Variants in USP32 observed in about 807,000 individuals in gnomAD.
USP32 encodes the protein ubiquitin carboxyl-terminal hydrolase 32.
USP32 carries 59 observed loss-of-function variants against 204.8 expected under a neutral mutation model. That is an observed-to-expected ratio of 0.29 (90% CI 0.23 to 0.36). The LOEUF is 0.36. Ranked by LOEUF, USP32 falls within the 10% of genes least tolerant of loss-of-function variation. The pLI is 1.00. For synonymous variants in USP32, 517 were observed against 678.4 expected (o/e 0.76, Z 3.70); for missense variants, 1,160 against 1,946.4 (o/e 0.60, Z 7.60).
At chr17:60,285,495 T>C (rs2087088145) in intron 5 of USP32, among the ~76,000 whole-genome samples, 2 of 152,186 alleles carry the variant, frequency 1.3e-5, no homozygotes, top group Non-Finnish European at 2.9e-5. Context: ...CAAATTCCTC[T>C]ATTCAGTCAA....
At chr17:60,191,449 G>C (rs2084379367) in intron 28 of USP32, among the ~76,000 whole-genome samples, 2 of 151,184 alleles carry the variant, frequency 1.3e-5, no homozygotes, top group Admixed American at 6.6e-5. Context: ...GCAGAGGTGG[G>C]GTGGGAGATG....
At chr17:60,343,310 A>C (rs941942437) in intron 2 of USP32, among the ~76,000 whole-genome samples, 4 of 152,144 alleles carry the variant, frequency 2.6e-5, no homozygotes, top group Non-Finnish European at 5.9e-5. Context: ...ACCTAATAGA[A>C]ATCTACAGAA....
chr17:60,256,900 C>T (rs2086321701), intron 9 of USP32: 2 of 447,202 alleles, frequency 4.5e-6, no homozygotes, highest in Admixed American at 6.3e-5. Context: ...CAGGTCCTTC[C>T]CATAGAATAA....
At chr17:60,392,326 T>C, upstream of USP32, 1 of 301,720 alleles carries the variant, frequency 3.3e-6, no homozygotes, top group African/African-American at 2.3e-5. Context: ...GCTCCGCCCC[T>C]CCCCAAGCTA....
intron 2 of USP32, among the ~76,000 whole-genome samples, chr17:60,331,805 G>A (rs2088391198): frequency 6.7e-6 from 1 of 148,420 alleles, no homozygotes; most frequent in Non-Finnish European, 1.5e-5. Flanking sequence ...GGCTGAGGCT[G>A]GAGGATCACT....
At chr17:60,319,485 G>C (rs1005021875) in intron 2 of USP32, among the ~76,000 whole-genome samples, 7 of 152,164 alleles carry the variant, frequency 4.6e-5, no homozygotes, top group African/African-American at 1.7e-4. Flanking sequence ...TAGATAGAAA[G>C]TACTTCTGCG....
At chr17:60,290,376 C>T (rs1221529819) in intron 4 of USP32, among the ~76,000 whole-genome samples, 1 of 152,118 alleles carries the variant, frequency 6.6e-6, no homozygotes, top group Non-Finnish European at 1.5e-5. Context: ...TTGACAATGA[C>T]ATTCAGACAT....
chr17:60,406,201 A>T (rs1036020070), intron 1 of USP32, among the ~76,000 whole-genome samples: 12 of 150,518 alleles, frequency 8.0e-5, no homozygotes, highest in Non-Finnish European at 1.5e-4. Context: ...GAAAAAAAAA[A>T]TTTTTTTTTG....
chr17:60,261,371 G>C (rs1318815092), intron 9 of USP32, among the ~76,000 whole-genome samples: 2 of 152,150 alleles, frequency 1.3e-5, no homozygotes, highest in African/African-American at 2.4e-5. Context: ...TGTAGGCCAG[G>C]CACGGTGGCT....
At chr17:60,184,314 CAAAAAAAA>C (rs35229069) in intron 30 of USP32, among the ~76,000 whole-genome samples, 3,129 of 89,608 alleles carry the variant, frequency 0.035, 142 homozygotes, top group African/African-American at 0.099. Flanking sequence ...GACTCCGTCT[CAAAAAAAA>C]AAAAAAAAAG....
In USP32 at chr17:60,207,061, G is replaced by C. The variant is rs1432294921; in HGVS notation, c.2997C>G (p.Val999=). Residue 999 remains valine, a synonymous_variant, in exon 25 of 34, where the codon GTC becomes GTG. Transcript: ENST00000300896. The stretch of plus-strand genomic sequence containing the variant: ...TAGAAGCTGAAATTGGAGACACAGG[G>C]ACAGGAATTTCAAATGCACACAAAA... ...SGFLCAFEIP[V]PVSPISASSP... 1 of 1,613,186 alleles carries C rather than the reference G, an allele frequency of 6.2e-7. No homozygotes were observed. Among genetic ancestry groups the C allele is most frequent in the Non-Finnish European group, 8.5e-7 (1 of 1,179,410 alleles).
chr17:60,272,684 G>A (rs2086750623), intron 5 of USP32, among the ~76,000 whole-genome samples: 1 of 152,180 alleles, frequency 6.6e-6, no homozygotes. Context: ...AAACAAATAA[G>A]GTGAACCCTT....
chr17:60,418,578 C>T (rs1290956856), intron 1 of USP32, among the ~76,000 whole-genome samples: 2 of 151,984 alleles, frequency 1.3e-5, no homozygotes, highest in African/African-American at 4.8e-5. Flanking sequence ...AACAGACAAC[C>T]TACAAAATGG....
intron 1 of USP32, among the ~76,000 whole-genome samples, chr17:60,403,241 C>A (rs564843066): frequency 6.6e-6 from 1 of 152,226 alleles, no homozygotes; most frequent in East Asian, 1.9e-4. Context: ...TGGTCTTGAT[C>A]TCTTGACCTC....
intron 2 of USP32, among the ~76,000 whole-genome samples, chr17:60,307,390 C>T (rs989225015): frequency 6.6e-6 from 1 of 152,116 alleles, no homozygotes; most frequent in African/African-American, 2.4e-5. Flanking sequence ...CGTGAGCCAC[C>T]ACACCCAGCC....
chr17:60,350,676 A>G (rs2088926656), intron 1 of USP32, among the ~76,000 whole-genome samples: 1 of 151,944 alleles, frequency 6.6e-6, no homozygotes, highest in Non-Finnish European at 1.5e-5. Flanking sequence ...GGACAAAGGG[A>G]CTTTTCTTAA....
chr17:60,242,657 T>C (rs1598127300), intron 11 of USP32, among the ~76,000 whole-genome samples: 1 of 152,186 alleles, frequency 6.6e-6, no homozygotes, highest in South Asian at 2.1e-4. Flanking sequence ...TGAAACCACC[T>C]CTGCCTCCTA....
chr17:60,402,924 C>A (rs911982347), intron 1 of USP32, among the ~76,000 whole-genome samples: 1 of 152,144 alleles, frequency 6.6e-6, no homozygotes, highest in Non-Finnish European at 1.5e-5. Flanking sequence ...CTTCCTCTTT[C>A]CTGACAACAT....
At chr17:60,198,518 C>T in intron 26 of USP32, 74 bp from the exon 27 acceptor site, 1 of 1,545,856 alleles carries the variant, frequency 6.5e-7, no homozygotes, top group African/African-American at 1.4e-5. Flanking sequence ...CTTCTAAATG[C>T]CTGCCAATGA....
Sources: allele counts gnomAD v4.1 joint callset (sites outside exome capture counted in the v4.1 genomes callset), GRCh38; gene constraint gnomAD v4.1.1; transcripts MANE v1.5; gene names NCBI Gene and HGNC (gene_info 2026-07-23, HGNC 2026-07-21).